CRTAM: variants seen among roughly 807,000 people sequenced by gnomAD.
CRTAM encodes cytotoxic and regulatory T cell molecule.
A neutral mutation model predicts 50.0 loss-of-function variants in CRTAM; 44 were observed. The ratio of observed to expected loss-of-function variants is 0.88; its 90% confidence interval spans 0.69 to 1.13. The LOEUF (loss-of-function observed/expected upper bound fraction) is 1.13, where lower values mean the gene tolerates loss of function less well. Ranked by LOEUF, CRTAM falls within the 50% of genes most tolerant of loss-of-function variation. The probability of loss-of-function intolerance (pLI) is 0.00; values close to 1 mark genes in which losing one functional copy is unlikely to be tolerated. For missense variants in CRTAM, 448 were observed against 457.5 expected (o/e 0.98, Z 0.19); for synonymous variants, 159 against 169.3 (o/e 0.94, Z 0.47).
chr11:122,852,362 G>A (rs1861942359), intron 3 of CRTAM, among the ~76,000 whole-genome samples: 1 of 152,148 alleles, frequency 6.6e-6, no homozygotes, highest in Admixed American at 6.5e-5. Context: ...TGGGAGGTGC[G>A]GATAGGAAGT....
At chr11:122,854,867 G>T (rs767288895) in intron 4 of CRTAM, among the ~76,000 whole-genome samples, 36 of 152,148 alleles carry the variant, frequency 2.4e-4, no homozygotes, top group Non-Finnish European at 4.7e-4. Flanking sequence ...CTTTGAAACA[G>T]AATAACTAAT....
intron 7 of CRTAM, among the ~76,000 whole-genome samples, chr11:122,865,227 G>T (rs1362172210): frequency 6.6e-6 from 1 of 151,978 alleles, no homozygotes; most frequent in Non-Finnish European, 1.5e-5. Context: ...TAGAGATGGG[G>T]TTTATCCATG....
intron 5 of CRTAM, among the ~76,000 whole-genome samples, chr11:122,861,227 T>C (rs941294931): frequency 6.6e-6 from 1 of 151,352 alleles, no homozygotes; most frequent in Admixed American, 6.6e-5. Context: ...ATATTTTTCA[T>C]ACAGTTTGAA....
In CRTAM at chr11:122,851,745, C is replaced by A. The variant is rs1400621275; in HGVS notation, c.246C>A (p.Ser82=). ...QLLHHSANQL[S]ITVPNVTLQD... is the part of the protein sequence containing the mutation. The stretch of plus-strand genomic sequence containing the variant: ...TTCATCACTCGGCCAATCAGCTCTC[C>A]ATCACTGTGCCTAACGTAACCCTGC... The change falls in exon 3 of 10, where the codon TCC becomes TCA. Residue 82 remains serine, a synonymous_variant. Coordinates refer to ENST00000227348, the MANE Select transcript of CRTAM (RefSeq NM_019604.4). 1.9e-6 allele frequency: 3 copies of A among 1,614,120 alleles called. No individual in the cohort carries two copies. Among genetic ancestry groups the A allele is most frequent in the Non-Finnish European group, 2.5e-6 (3 of 1,179,972 alleles).
chr11:122,841,239 T>G (rs1024630782), intron 1 of CRTAM, among the ~76,000 whole-genome samples: 11 of 152,150 alleles, frequency 7.2e-5, no homozygotes, highest in Non-Finnish European at 1.5e-5. Flanking sequence ...CACTTTTGCT[T>G]AATGCCTCAT....
At chr11:122,851,658 T>C in intron 2 of CRTAM, 35 bp from the exon 3 acceptor site, 1 of 1,609,048 alleles carries the variant, frequency 6.2e-7, no homozygotes, top group Non-Finnish European at 8.5e-7. Context: ...ATCGGATATC[T>C]TTCCTCATAA....
At chr11:122,871,099 A>G (rs1324888784) in intron 9 of CRTAM, among the ~76,000 whole-genome samples, 170 bp from the exon 10 acceptor site, 3 of 152,168 alleles carry the variant, frequency 2.0e-5, no homozygotes, top group Non-Finnish European at 4.4e-5. Context: ...CACGAAAAAC[A>G]AAAAAGAATA....
At chr11:122,844,614 C>T (rs1340838122) in intron 1 of CRTAM, among the ~76,000 whole-genome samples, 1 of 152,180 alleles carries the variant, frequency 6.6e-6, no homozygotes, top group East Asian at 1.9e-4. Context: ...AGCATTAAGC[C>T]AGTACTTTTC....
chr11:122,861,688 A>C (rs921090225), intron 5 of CRTAM, among the ~76,000 whole-genome samples: 5 of 151,546 alleles, frequency 3.3e-5, no homozygotes, highest in South Asian at 2.1e-4. Context: ...CGATCCACCC[A>C]CCTCAGCCTT....
Position 122,864,686 on chromosome 11 carries a change from G to T in CRTAM, c.784G>T (p.Glu262Ter), listed in dbSNP as rs866388328. ...ATCGGAGATTGACAAGGAAGAGAAAGAACAAACCACTCAAGATCCTGACTT... is the reference window on the plus strand; with the variant it reads ...ATCGGAGATTGACAAGGAAGAGAAATAACAAACCACTCAAGATCCTGACTT... ...STSEIDKEEKEQTTQDPDLTT... is the reference protein window; with the variant it reads ...STSEIDKEEK The change falls in exon 7 of 10, where the codon GAA becomes TAA. Residue 262 changes from glutamate to a stop codon, truncating the protein, a stop_gained. Transcript: ENST00000227348. LOFTEE classifies it high-confidence loss of function. The T allele has an allele frequency of 6.2e-7, 1 of 1,613,760 alleles. No individual in the cohort carries two copies.
chr11:122,853,129 A>C (rs1861954822), intron 3 of CRTAM, among the ~76,000 whole-genome samples: 1 of 151,814 alleles, frequency 6.6e-6, no homozygotes, highest in Non-Finnish European at 1.5e-5. Context: ...AGTGGCGCAA[A>C]CTCGGCTTAC....
intron 1 of CRTAM, among the ~76,000 whole-genome samples, chr11:122,844,116 C>T (rs1381215858): frequency 1.1e-4 from 17 of 152,162 alleles, no homozygotes; most frequent in Non-Finnish European, 2.5e-4. Context: ...TCTGGTTAGC[C>T]GCCTGATACC....
At chr11:122,860,818 C>A (rs1191370151) in intron 5 of CRTAM, among the ~76,000 whole-genome samples, 1 of 152,110 alleles carries the variant, frequency 6.6e-6, no homozygotes, top group African/African-American at 2.4e-5. Context: ...GATCCTCCTA[C>A]CTTGGCCTCC....
At chr11:122,838,852 G>T (rs1861764401) in intron 1 of CRTAM, among the ~76,000 whole-genome samples, 1 of 152,182 alleles carries the variant, frequency 6.6e-6, no homozygotes, top group African/African-American at 2.4e-5. Flanking sequence ...ACGGCAAGAT[G>T]AAACAAGCTT....
intron 5 of CRTAM, among the ~76,000 whole-genome samples, chr11:122,861,420 A>ATTTTTTTTTTTTT (rs66619023): frequency 3.9e-5 from 1 of 25,624 alleles, no homozygotes; most frequent in African/African-American, 1.5e-4. Flanking sequence ...ATATATATAT[A>ATTTTTTTTTTTTT]TTTTTTTTTT....
intron 4 of CRTAM, among the ~76,000 whole-genome samples, chr11:122,855,102 C>T (rs971466542): frequency 1.7e-4 from 26 of 152,274 alleles, no homozygotes; most frequent in African/African-American, 6.3e-4. Context: ...TGCCACAACA[C>T]CCAGCTAATT....
At chr11:122,870,842 G>T (rs987887955) in intron 9 of CRTAM, among the ~76,000 whole-genome samples, 3 of 152,172 alleles carry the variant, frequency 2.0e-5, no homozygotes, top group Non-Finnish European at 4.4e-5. Context: ...ATTTGGGGAG[G>T]CTGAGGCGGG....
intron 1 of CRTAM, among the ~76,000 whole-genome samples, chr11:122,841,956 G>A (rs1203221444): frequency 6.6e-6 from 1 of 152,180 alleles, no homozygotes; most frequent in African/African-American, 2.4e-5. Context: ...CAAAAGTTGT[G>A]TAATTTGAGT....
chr11:122,854,124 C>G (rs754411604), intron 4 of CRTAM, 38 bp downstream of exon 4: 2 of 1,592,868 alleles, frequency 1.3e-6, no homozygotes, highest in Non-Finnish European at 1.7e-6. Context: ...TTCCTTCCTA[C>G]TCAAATTTCC....
Sources: allele counts gnomAD v4.1 joint callset (sites outside exome capture counted in the v4.1 genomes callset), GRCh38; gene constraint gnomAD v4.1.1; transcripts MANE v1.5; gene names NCBI Gene and HGNC (gene_info 2026-07-23, HGNC 2026-07-21).